Variants in NTNG1 observed in about 807,000 individuals in gnomAD.
NTNG1 encodes the protein netrin-G1.
Under a neutral mutation model 54.0 loss-of-function variants are expected in NTNG1, and 16 were observed. That is an observed-to-expected ratio of 0.30 (90% CI 0.20 to 0.45). The LOEUF (loss-of-function observed/expected upper bound fraction) is 0.45, where lower values mean the gene tolerates loss of function less well. Ranked by LOEUF, NTNG1 falls within the 20% of genes least tolerant of loss-of-function variation. The pLI is 1.00. For synonymous variants in NTNG1, 255 were observed against 263.1 expected (o/e 0.97, Z 0.30); for missense variants, 530 against 678.7 (o/e 0.78, Z 2.43).
At chr1:107,191,475 T>C (rs1570805671) in intron 2 of NTNG1, among the ~76,000 whole-genome samples, 1 of 152,128 alleles carries the variant, frequency 6.6e-6, no homozygotes, top group Non-Finnish European at 1.5e-5. Context: ...CCATTGCTTT[T>C]GGTGTTTTAG....
Position 107,429,719 on chromosome 1 carries a change from C to T in NTNG1, c.1088-1031C>T, listed in dbSNP as rs934528479. Among the ~76,000 whole-genome samples the T allele has an allele frequency of 2.0e-5, 3 of 152,094 alleles. No individual in the cohort carries two copies. In the East Asian group the frequency reaches 5.8e-4, roughly 29 times the overall value. On this transcript the variant is annotated intron_variant, in intron 5 of 7. Coordinates refer to ENST00000370068, the MANE Select transcript of NTNG1 (RefSeq NM_001113226.3). The stretch of plus-strand genomic sequence containing the variant: ...GGCCTACCCTCATATTCCATGAAGA[C>T]AAAACAGATACCCCACCTAGTTACC...
At chr1:107,465,821 C>T (rs1677569192) in intron 7 of NTNG1, among the ~76,000 whole-genome samples, 3 of 152,154 alleles carry the variant, frequency 2.0e-5, no homozygotes, top group African/African-American at 7.2e-5. Flanking sequence ...GTCTCCCATA[C>T]AATTGAAGTA....
chr1:107,160,083 T>A (rs1477177690), intron 2 of NTNG1, among the ~76,000 whole-genome samples: 2 of 152,152 alleles, frequency 1.3e-5, no homozygotes, highest in Non-Finnish European at 2.9e-5. Context: ...TTGTTTTTGG[T>A]TTTTTACAGT....
chr1:107,144,606 C>A (rs1038908502), intron 1 of NTNG1, among the ~76,000 whole-genome samples: 2 of 151,604 alleles, frequency 1.3e-5, no homozygotes, highest in African/African-American at 4.8e-5. Context: ...AAAGAAAGGG[C>A]CTGTGAAAAT....
chr1:107,480,777 C>A lies in NTNG1; in HGVS notation c.1557C>A (p.His519Gln). The A allele has an allele frequency of 1.9e-6, 3 of 1,600,890 alleles. No homozygotes were observed. Among genetic ancestry groups the A allele is most frequent in the South Asian group, 1.1e-5 (1 of 89,092 alleles). Residue 519 changes from histidine to glutamine, a missense_variant, in exon 8 of 8, where the codon CAC becomes CAA. His to Gln is a conservative substitution (Grantham distance 24, BLOSUM62 0). Transcript: ENST00000370068. The stretch of plus-strand genomic sequence containing the variant: ...ACTCTGGCCAGGGCGCGCCCCCGCA[C>A]GGCTCCCCAGCGCTGCTGCTGCTGA... Reference protein sequence around the residue: ...GSDSGQGAPPHGSPALLLLTT... With the variant: ...GSDSGQGAPPQGSPALLLLTT...
At chr1:107,450,958 T>C (rs1412402352) in intron 7 of NTNG1, among the ~76,000 whole-genome samples, 1 of 152,122 alleles carries the variant, frequency 6.6e-6, no homozygotes, top group East Asian at 1.9e-4. Flanking sequence ...GAGTGATTAC[T>C]GGGCAGTCAC....
intron 2 of NTNG1, among the ~76,000 whole-genome samples, chr1:107,247,734 C>T (rs1662298016): frequency 1.3e-5 from 2 of 152,160 alleles, no homozygotes; most frequent in Admixed American, 1.3e-4. Context: ...AATGAGTTAT[C>T]TTATAAAAAA....
chr1:107,213,353 C>A (rs1467147850), intron 2 of NTNG1, among the ~76,000 whole-genome samples: 1 of 152,092 alleles, frequency 6.6e-6, no homozygotes, highest in African/African-American at 2.4e-5. Flanking sequence ...TTATTAAGAC[C>A]TGGCTAACCA....
intron 7 of NTNG1, among the ~76,000 whole-genome samples, chr1:107,476,572 C>T (rs752358538): frequency 6.6e-6 from 1 of 152,156 alleles, no homozygotes. Flanking sequence ...CATCTAAATA[C>T]CCCAAACAGG....
At chr1:107,194,876 T>G (rs898829129) in intron 2 of NTNG1, among the ~76,000 whole-genome samples, 18 of 151,980 alleles carry the variant, frequency 1.2e-4, no homozygotes, top group Non-Finnish European at 2.2e-4. Flanking sequence ...ATTACACAGA[T>G]TTTATCGTTT....
intron 2 of NTNG1, among the ~76,000 whole-genome samples, chr1:107,222,930 G>A (rs891676321): frequency 1.3e-5 from 2 of 151,526 alleles, no homozygotes; most frequent in African/African-American, 4.9e-5. Flanking sequence ...TCCTGGAGCT[G>A]GGGAAAGAAA....
chr1:107,480,575 CGCCCA>C, intron 7 of NTNG1, 31 bp from the exon 8 acceptor site: 1 of 512,238 alleles, frequency 2.0e-6, no homozygotes, highest in Non-Finnish European at 3.8e-6. Flanking sequence ...CTCCTCCCCG[CGCCCA>C]CCCACCCCTA....
rs532324136 is a variant in NTNG1 at position 107,256,393 on chromosome 1, A to C, written c.247-67889A>C. On this transcript the variant is annotated intron_variant, in intron 2 of 7. Transcript: ENST00000370068. ...CAATGAGTAAATGTATTTATGCACT[A>C]TTGAACACTTACACAGATTCTACAC... Among the ~76,000 whole-genome samples the C allele has an allele frequency of 2.0e-5, 3 of 152,290 alleles. No homozygotes were observed. The South Asian group carries it at 6.2e-4, about 32-fold the overall frequency.
chr1:107,414,125 C>T (rs1271565471), intron 5 of NTNG1, among the ~76,000 whole-genome samples: 1 of 152,110 alleles, frequency 6.6e-6, no homozygotes, highest in Non-Finnish European at 1.5e-5. Context: ...TTCAAGCTTG[C>T]TTTGCAGCTT....
chr1:107,179,555 AAACATTCTTG>A (rs200410744), intron 2 of NTNG1, among the ~76,000 whole-genome samples: 2,256 of 152,230 alleles, frequency 0.015, 31 homozygotes, highest in Middle Eastern at 0.054. Flanking sequence ...TATGAATATA[AAACATTCTTG>A]AACTTCTCCG....
intron 3 of NTNG1, among the ~76,000 whole-genome samples, chr1:107,385,593 GA>G (rs555117372): frequency 2.9e-3 from 389 of 135,872 alleles, no homozygotes; most frequent in Middle Eastern, 7.4e-3. Context: ...CTGTTGTGAG[GA>G]AAAAAAAAAA....
At chr1:107,440,972 C>G (rs493071) in intron 7 of NTNG1, among the ~76,000 whole-genome samples, 145,853 of 152,118 alleles carry the variant, frequency 0.96, 70,231 homozygotes, top group East Asian at 1. Context: ...AGATTTCAAG[C>G]AGGCCTGGCA....
rs546472384 is a variant in NTNG1, at chr1:107,451,769, T to A, written c.1390+14970T>A. 2.0e-5 allele frequency among the ~76,000 whole-genome samples: 3 copies of A among 152,122 alleles called. No individual in the cohort carries two copies. The South Asian group carries it at 6.2e-4, about 32-fold the overall frequency. On this transcript the variant is annotated intron_variant, in intron 7 of 7. Transcript: ENST00000370068. Reference sequence around the variant, plus strand: ...ACCAAACATTTATTGACTGTTTGAATCCTGCAACATCATAGGTACCATATA... The same window carrying A: ...ACCAAACATTTATTGACTGTTTGAAACCTGCAACATCATAGGTACCATATA...
chr1:107,363,679 T>C (rs1322264104), intron 3 of NTNG1, among the ~76,000 whole-genome samples: 2 of 152,204 alleles, frequency 1.3e-5, no homozygotes, highest in Non-Finnish European at 2.9e-5. Context: ...ATATAAAGAT[T>C]GCTTCTCCTT....
Sources: gnomAD v4.1 joint callset for allele counts (sites outside exome capture counted in the v4.1 genomes callset) on GRCh38, gnomAD v4.1.1 for gene constraint, MANE v1.5 for transcripts, NCBI Gene and HGNC (gene_info 2026-07-23, HGNC 2026-07-21) for gene names.